RFC3: variants seen among roughly 807,000 people sequenced by gnomAD.
The protein encoded by RFC3 is A1 38 kDa subunit.
In RFC3, 41 loss-of-function variants were observed where a neutral mutation model predicts 45.1. The observed-to-expected ratio is 0.91, with a 90% CI of 0.71 to 1.18. The LOEUF (loss-of-function observed/expected upper bound fraction) is 1.18. Ranked by LOEUF, RFC3 falls within the 50% of genes most tolerant of loss-of-function variation. The probability of loss-of-function intolerance (pLI) is 0.00; values close to 1 mark genes in which losing one functional copy is unlikely to be tolerated. For missense variants in RFC3, 423 were observed against 428.1 expected, an observed-to-expected ratio of 0.99 and a Z score of 0.10; for synonymous variants, 149 against 144.0, an observed-to-expected ratio of 1.03 and a Z score of -0.25.
intron 8 of RFC3, among the ~76,000 whole-genome samples, chr13:33,888,916 T>C (rs936618269): frequency 2.6e-5 from 4 of 152,092 alleles, no homozygotes; most frequent in African/African-American, 7.2e-5. Flanking sequence ...TGGCTAATTT[T>C]TGTATTTTTA....
At chr13:33,894,893 AC>A (rs1454376205) in intron 8 of RFC3, among the ~76,000 whole-genome samples, 8 of 152,236 alleles carry the variant, frequency 5.3e-5, no homozygotes, top group African/African-American at 1.9e-4. Context: ...TATTAAAAAA[AC>A]ATAAATGGGG....
At chr13:33,874,691 G>A (rs1472990793) in intron 8 of RFC3, among the ~76,000 whole-genome samples, 5 of 152,224 alleles carry the variant, frequency 3.3e-5, no homozygotes, top group African/African-American at 4.8e-5. Context: ...GAAGTAGGCT[G>A]TAAATCCAAC....
intron 8 of RFC3, among the ~76,000 whole-genome samples, chr13:33,888,958 A>G (rs2082545927): frequency 6.6e-6 from 1 of 152,088 alleles, no homozygotes; most frequent in Non-Finnish European, 1.5e-5. Flanking sequence ...GTTAGCCAGG[A>G]TGGTCTCAAT....
intron 8 of RFC3, among the ~76,000 whole-genome samples, chr13:33,962,938 G>C (rs1181036518): frequency 6.6e-6 from 1 of 152,004 alleles, no homozygotes; most frequent in Non-Finnish European, 1.5e-5. Flanking sequence ...ACATTTTTGT[G>C]AATTTATATG....
chr13:33,972,456 C>A, the RFC3 span, among the ~76,000 whole-genome samples: 2 of 152,132 alleles, frequency 1.3e-5, no homozygotes, highest in Non-Finnish European at 2.9e-5. Flanking sequence ...TGTTTAGCAC[C>A]TGAAGATTCC....
chr13:33,843,792 C>G (rs1456174966), intron 8 of RFC3, among the ~76,000 whole-genome samples: 2 of 152,190 alleles, frequency 1.3e-5, no homozygotes, highest in African/African-American at 2.4e-5. Flanking sequence ...ACATATGTTT[C>G]TATGATCAAG....
intron 8 of RFC3, among the ~76,000 whole-genome samples, chr13:33,965,212 T>C (rs773217927): frequency 5.9e-5 from 9 of 152,200 alleles, no homozygotes; most frequent in Non-Finnish European, 1.3e-4. Context: ...AAATTCGATA[T>C]GACCTTGGGC....
At chr13:33,828,382 C>T (rs980036500) in intron 4 of RFC3, among the ~76,000 whole-genome samples, 2 of 152,148 alleles carry the variant, frequency 1.3e-5, no homozygotes, top group African/African-American at 4.8e-5. Flanking sequence ...CAGGCACAAG[C>T]CACTGCACCA....
At chr13:33,872,739 C>A (rs113234988) in intron 8 of RFC3, among the ~76,000 whole-genome samples, 10 of 143,846 alleles carry the variant, frequency 7.0e-5, no homozygotes, top group African/African-American at 2.6e-4. Flanking sequence ...CTCTCAATAA[C>A]AAACAAACAA....
chr13:33,820,281 T>C (rs530360873), intron 1 of RFC3, among the ~76,000 whole-genome samples: 2 of 152,246 alleles, frequency 1.3e-5, no homozygotes, highest in South Asian at 4.1e-4. Context: ...ACTTCTGACT[T>C]CTAACTTTGT....
intron 8 of RFC3, among the ~76,000 whole-genome samples, chr13:33,903,437 T>C (rs930068710): frequency 6.6e-6 from 1 of 152,068 alleles, no homozygotes; most frequent in African/African-American, 2.4e-5. Context: ...AAGTTTTGAG[T>C]GTGTATTACC....
chr13:33,900,286 A>G (rs1159998789), intron 8 of RFC3, among the ~76,000 whole-genome samples: 1 of 152,046 alleles, frequency 6.6e-6, no homozygotes, highest in East Asian at 1.9e-4. Flanking sequence ...ATTTACTACA[A>G]ACCTATAGTA....
At chr13:33,929,896 CG>C (rs1307925472) in intron 8 of RFC3, among the ~76,000 whole-genome samples, 2 of 152,050 alleles carry the variant, frequency 1.3e-5, no homozygotes, top group East Asian at 3.9e-4. Context: ...AACAGAGACC[CG>C]GAATAAATTC....
At chr13:33,895,498 G>A (rs939757745) in intron 8 of RFC3, among the ~76,000 whole-genome samples, 1 of 152,192 alleles carries the variant, frequency 6.6e-6, no homozygotes, top group Non-Finnish European at 1.5e-5. Context: ...ATAGATGTTG[G>A]CATGGATGTG....
chr13:33,920,476 T>A (rs1174346728), intron 8 of RFC3, among the ~76,000 whole-genome samples: 1 of 145,244 alleles, frequency 6.9e-6, no homozygotes, highest in Non-Finnish European at 1.5e-5. Context: ...TCTCTCAGGC[T>A]GGAGTGCAGT....
intron 7 of RFC3, among the ~76,000 whole-genome samples, chr13:33,832,949 C>G (rs9315257): frequency 1.9e-4 from 29 of 152,314 alleles, no homozygotes; most frequent in African/African-American, 6.7e-4. Context: ...CTTCTAGCTG[C>G]TGTTACAAAT....
At chr13:33,970,126 C>T (rs1173786228), downstream of RFC3, among the ~76,000 whole-genome samples, 1 of 152,024 alleles carries the variant, frequency 6.6e-6, no homozygotes, top group Admixed American at 6.6e-5. Flanking sequence ...TGTGTTGTTC[C>T]CCCTAAATGT....
chr13:33,858,461 G>A (rs183274962), intron 8 of RFC3, among the ~76,000 whole-genome samples: 101 of 152,280 alleles, frequency 6.6e-4, no homozygotes, highest in Non-Finnish European at 1.0e-3. Flanking sequence ...TGGCAAAATT[G>A]TTGGTAACCA....
At chr13:33,957,140 C>T (rs1265465946) in intron 8 of RFC3, among the ~76,000 whole-genome samples, 6 of 152,102 alleles carry the variant, frequency 3.9e-5, no homozygotes, top group Non-Finnish European at 7.4e-5. Flanking sequence ...TTACAGGTTT[C>T]AAAGATGACT....
Sources: gnomAD v4.1 joint callset for allele counts (sites outside exome capture counted in the v4.1 genomes callset) on GRCh38, gnomAD v4.1.1 for gene constraint, MANE v1.5 for transcripts, NCBI Gene and HGNC (gene_info 2026-07-23, HGNC 2026-07-21) for gene names.